Variants in FCAR observed in about 807,000 individuals in gnomAD.
The protein encoded by FCAR is immunoglobulin alpha Fc receptor.
FCAR carries 21 observed loss-of-function variants against 27.1 expected under a neutral mutation model. The ratio of observed to expected loss-of-function variants is 0.77; its 90% CI spans 0.55 to 1.11. FCAR has a LOEUF of 1.11. Ranked by LOEUF, FCAR falls within the 50% of genes most tolerant of loss-of-function variation. FCAR has a pLI of 0.00. For missense variants in FCAR, 404 were observed against 358.4 expected (o/e 1.13, Z -1.03); for synonymous variants, 134 against 135.8 (o/e 0.99, Z 0.09).
At chr19:54,884,932 G>A (rs942059127) in intron 2 of FCAR, among the ~76,000 whole-genome samples, 3 of 151,698 alleles carry the variant, frequency 2.0e-5, no homozygotes, top group African/African-American at 7.3e-5. Flanking sequence ...CCAATCTCCC[G>A]AGTAGCTGGG....
rs1481627637 is a variant in FCAR, at chr19:54,890,107, C to T, written c.*244C>T. On this transcript the variant is annotated 3_prime_UTR_variant, in exon 5 of 5. Coordinates refer to ENST00000355524, the MANE Select transcript of FCAR (RefSeq NM_002000.4). The stretch of plus-strand genomic sequence containing the variant: ...TAGCTGGAATTACAGGCACATACCA[C>T]TGCACCCAGCTAATTTTTGTATTTT... The T allele has an allele frequency of 3.6e-6, 2 of 550,506 alleles. No individual in the cohort carries two copies. The highest frequency in any genetic ancestry group is 2.3e-5 in the South Asian group (1 of 43,784). The allele number at this position is 550,506 out of a possible 1,614,324, so 34.1% of individuals were successfully genotyped here.
chr19:54,886,452 C>T (rs1339470104), intron 3 of FCAR, among the ~76,000 whole-genome samples: 10 of 151,404 alleles, frequency 6.6e-5, no homozygotes, highest in Middle Eastern at 3.4e-3. Context: ...GGACTACAGG[C>T]GCCCGCCACC....
intron 2 of FCAR, among the ~76,000 whole-genome samples, chr19:54,879,044 A>AT (rs57641022): frequency 0.018 from 2,698 of 146,608 alleles, 63 homozygotes; most frequent in African/African-American, 0.061. Context: ...ACGCCCAGCT[A>AT]TTTTTTTTTT....
At position 54,890,407 on chromosome 19, in the gene FCAR, T is replaced by A. The variant is rs2067014998; in HGVS notation, c.*544T>A. 1 of 151,368 alleles carries A rather than the reference T, an allele frequency of 6.6e-6. No homozygotes were observed. The highest frequency in any genetic ancestry group is 2.1e-4 in the South Asian group (1 of 4,828). 9.4% of individuals were successfully genotyped at this position (151,368 alleles called of 1,614,324 possible). On this transcript the variant is annotated 3_prime_UTR_variant, in exon 5 of 5. Transcript: ENST00000355524. ...TTCTTCCTTCATTGTTCTTCTCTTTTTTTATTTATTTTATTTATTTTTATT... is the reference window on the plus strand; with the variant it reads ...TTCTTCCTTCATTGTTCTTCTCTTTATTTATTTATTTTATTTATTTTTATT...
intron 3 of FCAR, among the ~76,000 whole-genome samples, chr19:54,886,433 G>A (rs887598639): frequency 6.1e-5 from 9 of 146,818 alleles, no homozygotes; most frequent in African/African-American, 2.0e-4. Flanking sequence ...TCAGCCTCCC[G>A]AGTAGCTGGG....
Position 54,885,369 on chromosome 19 carries a change from CGA to C in FCAR, c.210_211del (p.Glu70AspfsTer10), listed in dbSNP as rs587641627. ...GATGATCATAAAAAACTCCACGTAC[CGA>C]GAGATAGGCAGAAGACTGAAGTTTT... Reference protein sequence around the residue: ...QLMIIKNSTYREIGRRLKFWN... With the variant: ...QLMIIKNSTYXEIGRRLKFWN... On this transcript the variant is annotated frameshift_variant, in exon 3 of 5. Coordinates refer to ENST00000355524, the MANE Select transcript of FCAR (RefSeq NM_002000.4). LOFTEE classifies it high-confidence loss of function. 114 of 1,613,974 alleles carry C rather than the reference CGA, an allele frequency of 7.1e-5. No homozygotes were observed. In the East Asian group the frequency reaches 2.3e-3, roughly 33 times the overall value.
chr19:54,884,057 G>A (rs1022573065), intron 2 of FCAR, among the ~76,000 whole-genome samples: 14 of 152,214 alleles, frequency 9.2e-5, no homozygotes, highest in Non-Finnish European at 1.6e-4. Context: ...AGCCTGGCCC[G>A]TCTGGCTGCA....
At position 54,888,080 on chromosome 19, in the gene FCAR, G is replaced by C; in HGVS notation, c.435G>C (p.Thr145=). 1.2e-6 allele frequency: 2 copies of C among 1,613,976 alleles called. No homozygotes were observed. Among genetic ancestry groups the C allele is most frequent in the East Asian group, 2.2e-5 (1 of 44,882 alleles). The part of the protein sequence containing the change: ...VLMPGENISL[T]CSSAHIPFDR... ...TGCCAGGAGAGAATATTTCCCTCAC[G>C]TGCAGCTCAGCACACATCCCATTTG... Residue 145 remains threonine (T), a synonymous_variant, in exon 4 of 5, where the codon ACG becomes ACC. Transcript: ENST00000355524.
At chr19:54,874,984 C>T (rs2066008946) in intron 1 of FCAR, among the ~76,000 whole-genome samples, 1 of 152,086 alleles carries the variant, frequency 6.6e-6, no homozygotes, top group African/African-American at 2.4e-5. Context: ...TCCTGGCCAA[C>T]ATGGTGAAAC....
At chr19:54,878,022 T>G (rs958689224) in intron 2 of FCAR, among the ~76,000 whole-genome samples, 24 of 151,456 alleles carry the variant, frequency 1.6e-4, no homozygotes, top group South Asian at 6.3e-4. Context: ...TTCACACCAT[T>G]CTCCTGCCTC....
At chr19:54,877,724 G>C (rs2066174452) in intron 2 of FCAR, among the ~76,000 whole-genome samples, 2 of 152,026 alleles carry the variant, frequency 1.3e-5, no homozygotes, top group Non-Finnish European at 2.9e-5. Context: ...TTTGAAGTGG[G>C]AGTTTAGTGC....
chr19:54,882,863 T>C (rs1446792578), intron 2 of FCAR, among the ~76,000 whole-genome samples: 1 of 152,186 alleles, frequency 6.6e-6, no homozygotes, highest in Non-Finnish European at 1.5e-5. Context: ...AGGATCTTTA[T>C]TTGTGGCTGA....
In FCAR at chr19:54,889,600, G is replaced by A. The variant is rs184847720; in HGVS notation, c.650-49G>A. 13 of 1,502,974 alleles carry A rather than the reference G, an allele frequency of 8.6e-6. No homozygotes were observed. The African/African-American group carries it at 1.6e-4, about 19-fold the overall frequency. 93.1% of individuals were successfully genotyped at this position (1,502,974 alleles called of 1,614,324 possible). On this transcript the variant is annotated intron_variant, in intron 4 of 4. Coordinates refer to ENST00000355524, the MANE Select transcript of FCAR (RefSeq NM_002000.4). ...GTTTCAGGGCTCTGGGGTTGGGATG[G>A]AATGGAACACAACCACCAACCATTC...
At chr19:54,885,608 T>A in intron 3 of FCAR, 83 bp downstream of exon 3, 2 of 1,108,288 alleles carry the variant, frequency 1.8e-6, no homozygotes, top group Admixed American at 2.7e-5. Context: ...GTTTTAGATT[T>A]ACAAACAAAA....
chr19:54,882,629 G>T (rs1452003913), intron 2 of FCAR, among the ~76,000 whole-genome samples: 1 of 151,908 alleles, frequency 6.6e-6, no homozygotes, highest in African/African-American at 2.4e-5. Context: ...AGTAGAGCCC[G>T]GGTTTTGTCA....
At position 54,877,425 on chromosome 19, in the gene FCAR, T is replaced by C. The variant is rs143231365; in HGVS notation, c.70+2060T>C. 4.4e-3 allele frequency among the ~76,000 whole-genome samples: 676 copies of C among 152,308 alleles called. 3 individuals carry two copies. The highest frequency in any genetic ancestry group is 0.015 in the African/African-American group (626 of 41,546). ...ATATTCTCTGATGATTGTATTTCTG[T>C]GGGGTGAGTGGTAATATACCCTTTG... On this transcript the variant is annotated intron_variant, in intron 2 of 4. Coordinates refer to ENST00000355524, the MANE Select transcript of FCAR (RefSeq NM_002000.4).
At chr19:54,885,182 G>T in intron 2 of FCAR, 53 bp from the exon 3 acceptor site, 1 of 1,476,374 alleles carries the variant, frequency 6.8e-7, no homozygotes. Context: ...GAGAAGGAAA[G>T]GAATGGCTTC....
intron 3 of FCAR, among the ~76,000 whole-genome samples, chr19:54,886,785 C>G (rs2066756394): frequency 6.6e-6 from 1 of 152,146 alleles, no homozygotes; most frequent in Admixed American, 6.5e-5. Context: ...GGGTAGTGGT[C>G]CATTATTTTC....
intron 2 of FCAR, among the ~76,000 whole-genome samples, chr19:54,875,776 A>G (rs1344229626): frequency 2.0e-5 from 3 of 152,226 alleles, no homozygotes; most frequent in Non-Finnish European, 4.4e-5. Context: ...AGCATTCTGT[A>G]GTACTACTGC....
Sources: gnomAD v4.1 joint callset for allele counts (sites outside exome capture counted in the v4.1 genomes callset) on GRCh38, gnomAD v4.1.1 for gene constraint, MANE v1.5 for transcripts, NCBI Gene and HGNC (gene_info 2026-07-23, HGNC 2026-07-21) for gene names.